The following TLK1 variants were observed in gnomAD, a reference collection of about 807,000 sequenced individuals.
TLK1 encodes the protein tousled like kinase 1.
A neutral mutation model predicts 105.3 loss-of-function variants in TLK1; 24 were observed. That is an observed-to-expected ratio of 0.23 (90% CI 0.17 to 0.32). TLK1 has a LOEUF of 0.32. TLK1 is among the 10% of genes least tolerant of loss of function. The pLI is 1.00. For missense variants in TLK1, 558 were observed against 910.5 expected, an observed-to-expected ratio of 0.61 and a Z score of 4.98; for synonymous variants, 321 against 310.4, an observed-to-expected ratio of 1.03 and a Z score of -0.36.
chr2:171,044,886 C>CA (rs1340176137), intron 11 of TLK1, among the ~76,000 whole-genome samples: 1 of 152,074 alleles, frequency 6.6e-6, no homozygotes, highest in African/African-American at 2.4e-5. Context: ...CATTTAGCAT[C>CA]AGGAAGATAA....
At chr2:171,030,817 T>C (rs1686005113) in intron 11 of TLK1, among the ~76,000 whole-genome samples, 1 of 152,174 alleles carries the variant, frequency 6.6e-6, no homozygotes, top group Admixed American at 6.5e-5. Flanking sequence ...ATTTGGCATA[T>C]CTTAAACCAA....
intron 1 of TLK1, among the ~76,000 whole-genome samples, chr2:171,170,096 T>A (rs1207035190): frequency 6.6e-6 from 1 of 152,148 alleles, no homozygotes; most frequent in African/African-American, 2.4e-5. Context: ...AGTTATTAAA[T>A]GTAGATTCCC....
intron 2 of TLK1, among the ~76,000 whole-genome samples, chr2:171,092,579 C>T (rs1019545214): frequency 6.6e-6 from 1 of 152,156 alleles, no homozygotes; most frequent in African/African-American, 2.4e-5. Context: ...TTAATTAGAA[C>T]ACTTCATATT....
Position 171,007,187 on chromosome 2 carries a change from G to C in TLK1, c.1417-124C>G, listed in dbSNP as rs1684688648. ...TAGGACAAACCCTACAATTATTAAT[G>C]ATCTTCTCTGCTAAGACTATATATA... is the stretch of plus-strand genomic sequence containing the variant. On this transcript the variant is annotated intron_variant, in intron 14 of 20. Transcript: ENST00000431350. The C allele has an allele frequency of 1.9e-5, 13 of 667,172 alleles. No individual in the cohort carries two copies. The South Asian group carries it at 2.7e-4, about 14-fold the overall frequency. The allele number at this position is 667,172 out of a possible 1,614,324, so 41.3% of individuals were successfully genotyped here.
At chr2:171,227,773 T>G (rs929376321) in intron 1 of TLK1, among the ~76,000 whole-genome samples, 1 of 152,040 alleles carries the variant, frequency 6.6e-6, no homozygotes, top group African/African-American at 2.4e-5. Flanking sequence ...TCCAGTATAG[T>G]ACATTTTCCC....
chr2:171,128,907 T>C (rs147229955), intron 1 of TLK1, among the ~76,000 whole-genome samples: 18 of 152,316 alleles, frequency 1.2e-4, no homozygotes, highest in Admixed American at 1.0e-3. Flanking sequence ...CCTTTTGTTA[T>C]AGTTTATATC....
chr2:171,220,819 C>T (rs964639898), intron 1 of TLK1, among the ~76,000 whole-genome samples: 1 of 151,954 alleles, frequency 6.6e-6, no homozygotes, highest in Non-Finnish European at 1.5e-5. Context: ...CCTCTCACCC[C>T]CTAAAAACCC....
At chr2:171,219,444 A>C (rs1693769700) in intron 1 of TLK1, among the ~76,000 whole-genome samples, 1 of 152,158 alleles carries the variant, frequency 6.6e-6, no homozygotes, top group Non-Finnish European at 1.5e-5. Context: ...AAGCAACAGA[A>C]ATGTATTTCT....
intron 18 of TLK1, among the ~76,000 whole-genome samples, chr2:171,005,453 C>G (rs1250629700): frequency 3.3e-5 from 5 of 152,190 alleles, no homozygotes; most frequent in Admixed American, 6.5e-5. Context: ...CCATCTTCCA[C>G]AAAAACCACC....
intron 1 of TLK1, among the ~76,000 whole-genome samples, chr2:171,147,923 C>T (rs1303910236): frequency 6.6e-6 from 1 of 151,506 alleles, no homozygotes; most frequent in East Asian, 1.9e-4. Context: ...CAGAGTCTCA[C>T]TCTGTCTCCC....
chr2:171,036,620 C>A (rs1479408065), intron 11 of TLK1, among the ~76,000 whole-genome samples: 1 of 152,178 alleles, frequency 6.6e-6, no homozygotes, highest in Non-Finnish European at 1.5e-5. Flanking sequence ...ACAGAAATGT[C>A]TCTAAACTGT....
At chr2:171,155,471 TCAA>T (rs778522209) in intron 1 of TLK1, 2 of 152,034 alleles carry the variant, frequency 1.3e-5, no homozygotes, top group Non-Finnish European at 2.9e-5. Context: ...AGTAATAAAG[TCAA>T]CAACAACAGT....
At chr2:171,163,118 A>AT (rs1180348614), upstream of TLK1, among the ~76,000 whole-genome samples, 2 of 152,020 alleles carry the variant, frequency 1.3e-5, no homozygotes, top group Non-Finnish European at 2.9e-5. Context: ...ACTCGACATT[A>AT]TTTTTTTGAG....
intron 1 of TLK1, among the ~76,000 whole-genome samples, chr2:171,200,647 C>G (rs1005703308): frequency 1.3e-5 from 2 of 152,072 alleles, no homozygotes; most frequent in Admixed American, 6.5e-5. Context: ...GAGTTCAAGG[C>G]TATAGTGTGC....
At chr2:171,018,925 T>C (rs965816800) in intron 12 of TLK1, among the ~76,000 whole-genome samples, 4 of 152,202 alleles carry the variant, frequency 2.6e-5, no homozygotes, top group African/African-American at 9.6e-5. Context: ...TAAAAGGACA[T>C]GGCTCTTTTC....
At chr2:171,225,992 C>T (rs1693890033) in intron 1 of TLK1, among the ~76,000 whole-genome samples, 1 of 151,892 alleles carries the variant, frequency 6.6e-6, no homozygotes, top group Non-Finnish European at 1.5e-5. Context: ...TTTTTTTAAG[C>T]ATCCTAAATT....
intron 1 of TLK1, among the ~76,000 whole-genome samples, chr2:171,142,229 C>A (rs905650463): frequency 4.6e-5 from 7 of 151,930 alleles, no homozygotes; most frequent in Non-Finnish European, 1.0e-4. Context: ...CCAAAAGCAG[C>A]AGAAAAGGAG....
intron 1 of TLK1, among the ~76,000 whole-genome samples, chr2:171,137,731 C>G (rs1178324558): frequency 6.6e-6 from 1 of 151,958 alleles, no homozygotes; most frequent in Non-Finnish European, 1.5e-5. Flanking sequence ...TGCCTGTAGT[C>G]CCAGCTACTC....
At chr2:171,165,024 G>C (rs75501725), upstream of TLK1, among the ~76,000 whole-genome samples, 6,444 of 152,184 alleles carry the variant, frequency 0.042, 443 homozygotes, top group East Asian at 0.3. Flanking sequence ...ATATAGAAAA[G>C]TCAGAAGAGT....
Sources: gnomAD v4.1 joint callset for allele counts (sites outside exome capture counted in the v4.1 genomes callset) on GRCh38, gnomAD v4.1.1 for gene constraint, MANE v1.5 for transcripts, NCBI Gene and HGNC (gene_info 2026-07-23, HGNC 2026-07-21) for gene names.